Variants in ITSN2 observed in about 807,000 individuals in gnomAD.
The protein encoded by ITSN2 is intersectin-2.
In ITSN2, 156 loss-of-function variants were observed where a neutral mutation model predicts 243.7. The ratio of observed to expected loss-of-function variants is 0.64; its 90% CI spans 0.56 to 0.73. The LOEUF (loss-of-function observed/expected upper bound fraction) is 0.73. ITSN2 is among the 30% of genes least tolerant of loss of function. The pLI is 0.00. For missense variants in ITSN2, 1,801 were observed against 1,996.1 expected, an observed-to-expected ratio of 0.90 and a Z score of 1.86; for synonymous variants, 703 against 699.9, an observed-to-expected ratio of 1.00 and a Z score of -0.07.
intron 29 of ITSN2, among the ~76,000 whole-genome samples, chr2:24,224,756 C>T (rs535763907): frequency 8.7e-4 from 132 of 152,228 alleles, no homozygotes; most frequent in Non-Finnish European, 1.2e-3. Flanking sequence ...GCCTCAGTCT[C>T]CGAGTAGCTG....
At chr2:24,289,997 C>A (rs895436965) in intron 15 of ITSN2, among the ~76,000 whole-genome samples, 2 of 152,106 alleles carry the variant, frequency 1.3e-5, no homozygotes, top group African/African-American at 4.8e-5. Flanking sequence ...CCTTCTATAT[C>A]TATTTTTTTT....
chr2:24,307,329 C>A (rs1173194814), intron 8 of ITSN2, among the ~76,000 whole-genome samples: 1 of 151,168 alleles, frequency 6.6e-6, no homozygotes, highest in Non-Finnish European at 1.5e-5. Flanking sequence ...TAGCACACAT[C>A]CTAATTTTAG....
chr2:24,212,634 C>T lies in ITSN2; in HGVS notation c.4089+16G>A, dbSNP rs776891453. On this transcript the variant is annotated intron_variant, in intron 33 of 39. Transcript: ENST00000355123. ...TGCTCCTAACTCAGACCCCACTGCC[C>T]GGCCTGCACACTCACACTTCTGATG... 4.3e-5 allele frequency: 69 copies of T among 1,586,614 alleles called. No individual in the cohort carries two copies. The highest frequency in any genetic ancestry group is 4.9e-5 in the Non-Finnish European group (57 of 1,165,036).
rs558077246 is a variant in ITSN2, at chr2:24,277,442, A to G, written c.1945-1593T>C. 3.3e-5 allele frequency among the ~76,000 whole-genome samples: 5 copies of G among 152,384 alleles called. No homozygotes were observed. The South Asian group carries it at 1.0e-3, about 32-fold the overall frequency. ...GAGACTATGTCCAACATGTCTGAGCAAAACATTTACAACTTAAGCCAATAG... is the reference window on the plus strand; with the variant it reads ...GAGACTATGTCCAACATGTCTGAGCGAAACATTTACAACTTAAGCCAATAG... On this transcript the variant is annotated intron_variant, in intron 17 of 39. Transcript: ENST00000355123.
At chr2:24,293,301 G>A (rs1680506420) in intron 15 of ITSN2, 2 of 157,936 alleles carry the variant, frequency 1.3e-5, no homozygotes, top group African/African-American at 4.8e-5. Flanking sequence ...TAGAATCCCA[G>A]GTGCGGCCCC....
intron 1 of ITSN2, among the ~76,000 whole-genome samples, chr2:24,340,753 C>A (rs7584316): frequency 0.18 from 27,573 of 150,730 alleles, 3,080 homozygotes; most frequent in Non-Finnish European, 0.26. Context: ...GGAAAAAAAA[C>A]ACACACACAC....
intron 20 of ITSN2, among the ~76,000 whole-genome samples, chr2:24,266,976 A>T (rs1241957710): frequency 6.6e-6 from 1 of 152,064 alleles, no homozygotes; most frequent in Non-Finnish European, 1.5e-5. Context: ...GCTAAGCCAG[A>T]GCAATATAAA....
intron 17 of ITSN2, among the ~76,000 whole-genome samples, 161 bp from the exon 18 acceptor site, chr2:24,276,010 C>G (rs1478014141): frequency 1.3e-5 from 2 of 151,820 alleles, no homozygotes; most frequent in East Asian, 3.9e-4. Flanking sequence ...TAAAAAAAAC[C>G]TTAAGTATTT....
chr2:24,337,833 C>T (rs1686628824), intron 1 of ITSN2, among the ~76,000 whole-genome samples: 1 of 151,992 alleles, frequency 6.6e-6, no homozygotes, highest in African/African-American at 2.4e-5. Context: ...GTGTCTCTGC[C>T]ACTCCCAGCA....
At chr2:24,271,729 C>G (rs1466156264) in intron 19 of ITSN2, 37 bp downstream of exon 19, 7 of 1,452,442 alleles carry the variant, frequency 4.8e-6, no homozygotes, top group Non-Finnish European at 6.4e-6. Context: ...TTTCTTGTTG[C>G]ATTTGTTCTA....
At chr2:24,340,713 T>C (rs983406263) in intron 1 of ITSN2, among the ~76,000 whole-genome samples, 3 of 151,966 alleles carry the variant, frequency 2.0e-5, no homozygotes, top group African/African-American at 7.3e-5. Context: ...CTATAAGTTG[T>C]GTCATTATAG....
At chr2:24,336,115 A>ACCTGTAGT (rs1198368655) in intron 1 of ITSN2, among the ~76,000 whole-genome samples, 1 of 151,466 alleles carries the variant, frequency 6.6e-6, no homozygotes, top group Non-Finnish European at 1.5e-5. Flanking sequence ...GGTGGCGGGC[A>ACCTGTAGT]CCTGTAGTCC....
chr2:24,274,273 A>G (rs1220170416), intron 18 of ITSN2, among the ~76,000 whole-genome samples: 1 of 152,172 alleles, frequency 6.6e-6, no homozygotes, highest in East Asian at 1.9e-4. Flanking sequence ...AGGCCACAAA[A>G]ACAGGGGTCT....
intron 2 of ITSN2, among the ~76,000 whole-genome samples, chr2:24,325,378 C>G (rs1388146588): frequency 2.0e-5 from 3 of 152,078 alleles, no homozygotes; most frequent in Admixed American, 6.5e-5. Context: ...CCACTACACT[C>G]CAACCTGGGC....
intron 1 of ITSN2, among the ~76,000 whole-genome samples, chr2:24,349,113 A>G (rs546270300): frequency 6.7e-6 from 1 of 150,072 alleles, no homozygotes; most frequent in South Asian, 2.1e-4. Context: ...CAACAACAAT[A>G]ATCATCATCA....
rs988282642 is a variant in ITSN2, at chr2:24,310,517, C to T, written c.528G>A (p.Gln176=). The change falls in exon 6 of 40, where the codon CAG becomes CAA. Residue 176 remains glutamine (Q), a synonymous_variant. Transcript: ENST00000355123. ...AAGAAGAATAAGGAATGGGTAAAGGCTGAATGAGACTGGCGGTTCCATTTG... is the reference window on the plus strand; with the variant it reads ...AAGAAGAATAAGGAATGGGTAAAGGTTGAATGAGACTGGCGGTTCCATTTG... ...SLPNGTASLI[Q]PLPIPYSSST... The T allele has an allele frequency of 1.2e-6, 2 of 1,613,974 alleles. No homozygotes were observed. The highest frequency in any genetic ancestry group is 1.3e-5 in the African/African-American group (1 of 74,894).
At chr2:24,327,353 T>C (rs546407278) in intron 2 of ITSN2, among the ~76,000 whole-genome samples, 5 of 152,132 alleles carry the variant, frequency 3.3e-5, no homozygotes, top group Admixed American at 2.0e-4. Flanking sequence ...TGGAGTGTAG[T>C]GGCCCTATCT....
intron 37 of ITSN2, 24 bp from the exon 38 acceptor site, chr2:24,205,321 C>T: frequency 6.3e-7 from 1 of 1,594,838 alleles, no homozygotes; most frequent in Non-Finnish European, 8.6e-7. Flanking sequence ...AGACAAGTCT[C>T]ATTAATCTCT....
chr2:24,261,728 G>C lies in ITSN2; in HGVS notation c.2370C>G (p.Thr790=), dbSNP rs374370621. 1.2e-6 allele frequency: 2 copies of C among 1,611,706 alleles called. No homozygotes were observed. The highest frequency in any genetic ancestry group is 1.1e-5 in the South Asian group (1 of 90,784). ...SGDIIQVDEK[T]VGEPGWLYGS... ...CATAAAGCCAACCAGGTTCTCCTAC[G>C]GTTTTTTCATCAACCTACGGAAATA... is the stretch of plus-strand genomic sequence containing the variant. The change falls in exon 21 of 40, where the codon ACC becomes ACG. Residue 790 remains threonine, a synonymous_variant. Coordinates refer to ENST00000355123, the MANE Select transcript of ITSN2 (RefSeq NM_006277.3).
Sources: gnomAD v4.1 joint callset for allele counts (sites outside exome capture counted in the v4.1 genomes callset) on GRCh38, gnomAD v4.1.1 for gene constraint, MANE v1.5 for transcripts, NCBI Gene and HGNC (gene_info 2026-07-23, HGNC 2026-07-21) for gene names.